Variants in GABRA2 observed in about 807,000 individuals in gnomAD.
GABRA2 encodes gamma-aminobutyric acid receptor subunit alpha-2.
GABRA2 carries 16 observed loss-of-function variants against 48.7 expected under a neutral mutation model. That is an observed-to-expected ratio of 0.33 (90% CI 0.22 to 0.50). The LOEUF is 0.50. GABRA2 is among the 20% of genes least tolerant of loss of function. The pLI is 0.98. For missense variants in GABRA2, 275 were observed against 535.6 expected, an observed-to-expected ratio of 0.51 and a Z score of 4.80; for synonymous variants, 185 against 184.5, an observed-to-expected ratio of 1.00 and a Z score of -0.02.
In GABRA2 at chr4:46,254,577, G is replaced by A. The variant is rs573371652; in HGVS notation, c.1060-3973C>T. Among the ~76,000 whole-genome samples the A allele has an allele frequency of 9.9e-5, 15 of 151,396 alleles. No individual in the cohort carries two copies. In the East Asian group the frequency reaches 2.7e-3, roughly 28 times the overall value. On this transcript the variant is annotated intron_variant, in intron 9 of 9. Coordinates refer to ENST00000381620, the MANE Select transcript of GABRA2 (RefSeq NM_000807.4). ...CCAGGTATAGCCAAAAATATACACCGTGTTCCAGAAGCCGATTTTTAAAAA... is the reference window on the plus strand; with the variant it reads ...CCAGGTATAGCCAAAAATATACACCATGTTCCAGAAGCCGATTTTTAAAAA...
Position 46,261,957 on chromosome 4 carries a change from G to A in GABRA2, c.1028C>T (p.Ala343Val). The A allele has an allele frequency of 1.2e-6, 2 of 1,613,756 alleles. No individual in the cohort carries two copies. The highest frequency in any genetic ancestry group is 1.7e-6 in the Non-Finnish European group (2 of 1,179,820). The change falls in exon 9 of 10, where the codon GCT becomes GTT. Residue 343 changes from alanine to valine, a missense_variant. Ala to Val is a moderately conservative substitution (Grantham distance 64). Coordinates refer to ENST00000381620, the MANE Select transcript of GABRA2 (RefSeq NM_000807.4). ...ATTTACTACACTCTTCCCATCCCAA[G>A]CCCATCCTCTTTTGGTGAAGTAATT... ...TVNYFTKRGW[A>V]WDGKSVVNDK...
At chr4:46,303,210 A>T in intron 8 of GABRA2, 1 of 460,926 alleles carries the variant, frequency 2.2e-6, no homozygotes, top group South Asian at 3.2e-5. Context: ...GTTGAACAGC[A>T]GTATGATTTA....
At chr4:46,307,698 C>T (rs937218436) in intron 6 of GABRA2, among the ~76,000 whole-genome samples, 8 of 151,974 alleles carry the variant, frequency 5.3e-5, no homozygotes, top group African/African-American at 1.7e-4. Context: ...ATGTTCTTTA[C>T]TGCTATGGAA....
intron 9 of GABRA2, 62 bp downstream of exon 9, chr4:46,261,864 G>A (rs1280791729): frequency 4.6e-6 from 6 of 1,312,616 alleles, no homozygotes; most frequent in Non-Finnish European, 6.6e-6. Flanking sequence ...AAACATATCT[G>A]TTACAAGCGG....
At chr4:46,354,371 A>C (rs1735639869) in intron 3 of GABRA2, among the ~76,000 whole-genome samples, 1 of 152,180 alleles carries the variant, frequency 6.6e-6, no homozygotes, top group African/African-American at 2.4e-5. Context: ...TTCTGGACTG[A>C]GAAGCATAAA....
intron 7 of GABRA2, 67 bp from the exon 8 acceptor site, chr4:46,303,679 G>A (rs1396348316): frequency 4.3e-6 from 6 of 1,389,424 alleles, no homozygotes; most frequent in South Asian, 2.5e-5. Flanking sequence ...GAAATAGAAG[G>A]GATCAGAGGT....
intron 8 of GABRA2, among the ~76,000 whole-genome samples, chr4:46,293,558 G>T (rs1246028738): frequency 1.3e-5 from 2 of 152,128 alleles, no homozygotes; most frequent in Non-Finnish European, 2.9e-5. Flanking sequence ...GACTACAGTT[G>T]GTCCAGTCAG....
chr4:46,324,699 G>A (rs1234849646), intron 4 of GABRA2, among the ~76,000 whole-genome samples: 1 of 151,638 alleles, frequency 6.6e-6, no homozygotes, highest in African/African-American at 2.4e-5. Flanking sequence ...GTATCCATAG[G>A]TAGTTTTTCA....
intron 3 of GABRA2, among the ~76,000 whole-genome samples, chr4:46,383,687 G>C (rs1456511404): frequency 1.3e-5 from 2 of 152,106 alleles, no homozygotes; most frequent in Non-Finnish European, 2.9e-5. Flanking sequence ...TTTAATCTGG[G>C]TGCTTCAATT....
intron 3 of GABRA2, among the ~76,000 whole-genome samples, chr4:46,345,044 T>C (rs1049506985): frequency 1.3e-5 from 2 of 151,906 alleles, no homozygotes; most frequent in African/African-American, 4.8e-5. Context: ...GATTTTAGCA[T>C]AGGAGCAGTT....
intron 6 of GABRA2, among the ~76,000 whole-genome samples, chr4:46,307,500 T>C (rs1008347133): frequency 2.0e-5 from 3 of 151,412 alleles, no homozygotes; most frequent in Admixed American, 6.6e-5. Flanking sequence ...CTTTTAAACA[T>C]AAATAAGAAA....
chr4:46,337,480 C>T (rs1424420604), intron 3 of GABRA2, among the ~76,000 whole-genome samples: 2 of 152,020 alleles, frequency 1.3e-5, no homozygotes, highest in South Asian at 2.1e-4. Context: ...CGAATGTTGT[C>T]TTTATATACA....
chr4:46,366,791 A>C (rs1365178407), intron 3 of GABRA2: 1 of 152,146 alleles, frequency 6.6e-6, no homozygotes, highest in Admixed American at 6.6e-5. Flanking sequence ...GAAAAACTTT[A>C]AACGGTTGGT....
chr4:46,292,106 A>T (rs901268761), intron 8 of GABRA2, among the ~76,000 whole-genome samples: 1 of 152,112 alleles, frequency 6.6e-6, no homozygotes, highest in African/African-American at 2.4e-5. Flanking sequence ...GACTTTAGGG[A>T]TTCTACACAT....
intron 3 of GABRA2, among the ~76,000 whole-genome samples, chr4:46,337,717 T>G (rs959651355): frequency 3.3e-5 from 5 of 151,682 alleles, no homozygotes; most frequent in Admixed American, 2.0e-4. Context: ...TTTGTTTGTT[T>G]TAAAGTAATA....
At position 46,388,934 on chromosome 4, in the gene GABRA2, T is replaced by C. The variant is rs201113156; in HGVS notation, c.-10-218A>G. 88 of 1,314,872 alleles carry C rather than the reference T, an allele frequency of 6.7e-5. 1 individual carries two copies. In the East Asian group the frequency reaches 9.6e-4, roughly 14 times the overall value. The allele number at this position is 1,314,872 out of a possible 1,614,324, so 81.5% of individuals were successfully genotyped here. ...TTCCTTTCTGTTTCTTTCTTTCTTT[T>C]TTTCTTTCTTTCTTTCTTTAACAGC... On this transcript the variant is annotated intron_variant, in intron 1 of 9. Transcript: ENST00000381620.
rs1182722747 is a variant in GABRA2 at position 46,248,354 on chromosome 4, G to A, written c.*1954C>T. ...TATATTTAAATGTATAAGAAAATAG[G>A]ATATCTTCTATTTCAATGTATGAAT... is the stretch of plus-strand genomic sequence containing the variant. On this transcript the variant is annotated 3_prime_UTR_variant, in exon 10 of 10. Transcript: ENST00000381620. The A allele has an allele frequency of 6.6e-6, 1 of 151,292 alleles. No homozygotes were observed. Among genetic ancestry groups the A allele is most frequent in the African/African-American group, 2.4e-5 (1 of 41,330 alleles). 9.4% of individuals were successfully genotyped at this position (151,292 alleles called of 1,614,324 possible).
rs1220746763 is a variant in GABRA2, at chr4:46,349,609, A to AAAGTT, written c.188-16928_188-16927insAACTT. 2.0e-5 allele frequency among the ~76,000 whole-genome samples: 3 copies of AAAGTT among 152,086 alleles called. No homozygotes were observed. In the East Asian group the frequency reaches 5.8e-4, roughly 29 times the overall value. ...CAACAATCCAATATTTTTCTTCTAC[A>AAAGTT]ACATTCCAAAGTTAAATGCATTCAG... On this transcript the variant is annotated intron_variant, in intron 3 of 9. Coordinates refer to ENST00000381620, the MANE Select transcript of GABRA2 (RefSeq NM_000807.4).
intron 8 of GABRA2, among the ~76,000 whole-genome samples, chr4:46,271,639 A>C (rs964225874): frequency 2.6e-5 from 4 of 152,100 alleles, no homozygotes; most frequent in African/African-American, 9.6e-5. Flanking sequence ...TCACATCTTT[A>C]ATATTGGTGA....
Sources: allele counts gnomAD v4.1 joint callset (sites outside exome capture counted in the v4.1 genomes callset), GRCh38; gene constraint gnomAD v4.1.1; transcripts MANE v1.5; gene names NCBI Gene and HGNC (gene_info 2026-07-23, HGNC 2026-07-21).